Variants in FECH observed in about 807,000 individuals in gnomAD.
FECH encodes the protein ferrochelatase, also known as ferrochelatase, mitochondrial.
In FECH, 40 loss-of-function variants were observed where a neutral mutation model predicts 56.9. The ratio of observed to expected loss-of-function variants is 0.70; its 90% confidence interval spans 0.55 to 0.92. The LOEUF is 0.92. Ranked by LOEUF, FECH falls within the 40% of genes least tolerant of loss-of-function variation. The pLI is 0.00. For missense variants in FECH, 431 were observed against 529.1 expected (o/e 0.81, Z 1.82); for synonymous variants, 175 against 198.6 (o/e 0.88, Z 1.00).
chr18:57,557,070 C>A (rs976599512), intron 7 of FECH, among the ~76,000 whole-genome samples: 6 of 152,082 alleles, frequency 3.9e-5, no homozygotes, highest in South Asian at 2.1e-4. Context: ...TTTGGAAACA[C>A]AAGTGGCATC....
At chr18:57,574,129 C>G (rs948993817) in intron 2 of FECH, among the ~76,000 whole-genome samples, 2 of 152,188 alleles carry the variant, frequency 1.3e-5, no homozygotes, top group African/African-American at 4.8e-5. Flanking sequence ...CTCGGCCTCC[C>G]AAGTAGCTGG....
At chr18:57,566,680 C>T in intron 4 of FECH, 99 bp from the exon 5 acceptor site, 1 of 1,449,036 alleles carries the variant, frequency 6.9e-7, no homozygotes, top group Non-Finnish European at 9.6e-7. Flanking sequence ...AAGAACAGTT[C>T]ATGTAATTTC....
chr18:57,554,442 G>A lies in FECH; in HGVS notation c.913-18C>T, dbSNP rs767704443. The A allele has an allele frequency of 1.1e-5, 17 of 1,613,912 alleles. No homozygotes were observed. Among genetic ancestry groups the A allele is most frequent in the East Asian group, 4.5e-5 (2 of 44,882 alleles). ...GGACCAACCTATGCGAAAGATAGAC[G>A]AATGCGTAAGTGGACTATGCCTCCT... On this transcript the variant is annotated intron_variant, in intron 8 of 10. Transcript: ENST00000262093.
At chr18:57,573,759 T>C (rs2051147876) in intron 2 of FECH, among the ~76,000 whole-genome samples, 1 of 152,196 alleles carries the variant, frequency 6.6e-6, no homozygotes, top group African/African-American at 2.4e-5. Context: ...CTCTCCCAAC[T>C]TCAAGTTTCC....
rs187662303 is a variant in FECH, at chr18:57,547,562, G to C, written c.*3150C>G. The stretch of plus-strand genomic sequence containing the variant: ...CTGCCATGATTGTCAATTTCCTAAG[G>C]CTTCCTCAGAAAGCCGAACCGAGTC... On this transcript the variant is annotated 3_prime_UTR_variant, in exon 11 of 11. Transcript: ENST00000262093. 2.0e-5 allele frequency among the ~76,000 whole-genome samples: 3 copies of C among 152,212 alleles called. No homozygotes were observed. Among genetic ancestry groups the C allele is most frequent in the East Asian group, 1.9e-4 (1 of 5,184 alleles).
At position 57,544,745 on chromosome 18, in the gene FECH, A is replaced by G. The variant is rs2050698369; in HGVS notation, c.*5967T>C. 6.6e-6 allele frequency among the ~76,000 whole-genome samples: 1 copy of G among 152,268 alleles called. No homozygotes were observed. Among genetic ancestry groups the G allele is most frequent in the South Asian group, 2.1e-4 (1 of 4,832 alleles). ...AAAATCACAGTGTAATGGCTACAGA[A>G]ACAACTTATGTACTGTGTTATTAAC... On this transcript the variant is annotated 3_prime_UTR_variant, in exon 11 of 11. Coordinates refer to ENST00000262093, the MANE Select transcript of FECH (RefSeq NM_000140.5).
chr18:57,554,359 C>T lies in FECH; in HGVS notation c.978G>A (p.Gly326=), dbSNP rs1192896758. Reference sequence around the variant, plus strand: ...TCGGAACCAAGAGGATATTCTTCCTCCCCCTCTCACAAAGCCCTTTGATAG... The same window carrying T: ...TCGGAACCAAGAGGATATTCTTCCTTCCCCTCTCACAAAGCCCTTTGATAG... ...DESIKGLCER[G]RKNILLVPIA... The change falls in exon 9 of 11, where the codon GGG becomes GGA. Residue 326 remains glycine, a synonymous_variant. Transcript: ENST00000262093. 2.5e-6 allele frequency: 4 copies of T among 1,614,068 alleles called. No homozygotes were observed. Among genetic ancestry groups the T allele is most frequent in the Non-Finnish European group, 3.4e-6 (4 of 1,180,038 alleles).
chr18:57,566,376 A>G lies in FECH; in HGVS notation c.598+71T>C, dbSNP rs138661306. 31 of 1,603,118 alleles carry G rather than the reference A, an allele frequency of 1.9e-5. No homozygotes were observed. The East Asian group carries it at 6.7e-4, about 35-fold the overall frequency. ...TTGCAAATAATTCATCCTTCCCTTC[A>G]GTACTTAGACTCCTTGGTTATTTTT... On this transcript the variant is annotated intron_variant, in intron 5 of 10. Coordinates refer to ENST00000262093, the MANE Select transcript of FECH (RefSeq NM_000140.5).
intron 4 of FECH, among the ~76,000 whole-genome samples, 188 bp from the exon 5 acceptor site, chr18:57,566,769 A>G (rs1019886682): frequency 2.0e-5 from 3 of 152,154 alleles, no homozygotes; most frequent in African/African-American, 7.2e-5. Flanking sequence ...TGAACTTTTA[A>G]TGATGACTTT....
At chr18:57,564,386 A>G (rs1180321346) in intron 5 of FECH, among the ~76,000 whole-genome samples, 3 of 152,194 alleles carry the variant, frequency 2.0e-5, no homozygotes, top group Admixed American at 1.3e-4. Flanking sequence ...TTTCCTGTCT[A>G]GGGGAGTTAG....
rs752462830 is a variant in FECH, at chr18:57,547,788, ACAC to A, written c.*2921_*2923del. Among the ~76,000 whole-genome samples the A allele has an allele frequency of 1.3e-5, 2 of 152,140 alleles. No individual in the cohort carries two copies. The highest frequency in any genetic ancestry group is 6.8e-3 in the Middle Eastern group (2 of 294). Reference sequence around the variant, plus strand: ...GCTGGAACTACAGGCATGTGACACTACACCCAGTTAATTTTTACTTTATTTTTT... The same window carrying A: ...GCTGGAACTACAGGCATGTGACACTACCAGTTAATTTTTACTTTATTTTTT... On this transcript the variant is annotated 3_prime_UTR_variant, in exon 11 of 11. Transcript: ENST00000262093.
intron 2 of FECH, among the ~76,000 whole-genome samples, chr18:57,575,465 C>T (rs1568152536): frequency 1.3e-5 from 2 of 151,762 alleles, no homozygotes; most frequent in African/African-American, 4.8e-5. Context: ...TTTTTTGAGA[C>T]AGGGTCTCAC....
intron 3 of FECH, among the ~76,000 whole-genome samples, chr18:57,572,162 G>A (rs1599004517): frequency 6.6e-6 from 1 of 152,114 alleles, no homozygotes; most frequent in East Asian, 1.9e-4. Context: ...CAACAGCAAA[G>A]ACTTGGAACC....
chr18:57,556,109 A>G (rs1450046009), intron 7 of FECH, among the ~76,000 whole-genome samples: 1 of 152,242 alleles, frequency 6.6e-6, no homozygotes, highest in Non-Finnish European at 1.5e-5. Context: ...AGCCTGGGTG[A>G]CAGAGCAAGA....
In FECH at chr18:57,574,583, T is replaced by C. The variant is rs572841546; in HGVS notation, c.195-1218A>G. On this transcript the variant is annotated intron_variant, in intron 2 of 10. Coordinates refer to ENST00000262093, the MANE Select transcript of FECH (RefSeq NM_000140.5). ...GCTATGCAAAAATGTAAACCTAAAA[T>C]CCAGATCAAGCTCCGGAGTCAACAC... Among the ~76,000 whole-genome samples the C allele has an allele frequency of 4.6e-5, 7 of 152,294 alleles. No homozygotes were observed. In the East Asian group the frequency reaches 1.2e-3, roughly 25 times the overall value.
Position 57,563,426 on chromosome 18 carries a change from T to C in FECH, c.599-446A>G, listed in dbSNP as rs146313984. 4.7e-3 allele frequency among the ~76,000 whole-genome samples: 714 copies of C among 151,628 alleles called. 6 individuals carry two copies. The highest frequency in any genetic ancestry group is 0.016 in the African/African-American group (677 of 41,356). ...GAGAAACCCTATCTCTACTAAAAAA[T>C]ACAAAATTAGCCAGGCATGGTGGTG... On this transcript the variant is annotated intron_variant, in intron 5 of 10. Coordinates refer to ENST00000262093, the MANE Select transcript of FECH (RefSeq NM_000140.5).
intron 2 of FECH, among the ~76,000 whole-genome samples, chr18:57,577,854 A>G (rs1269730827): frequency 1.3e-5 from 2 of 152,142 alleles, no homozygotes; most frequent in Admixed American, 6.5e-5. Context: ...CAAGAGTTCA[A>G]GACAAGCCTG....
At chr18:57,580,677 T>C (rs1459161677) in intron 1 of FECH, among the ~76,000 whole-genome samples, 1 of 152,166 alleles carries the variant, frequency 6.6e-6, no homozygotes, top group Non-Finnish European at 1.5e-5. Context: ...AACCCAGTAC[T>C]GCCCTTGAAC....
Position 57,580,148 on chromosome 18 carries a change from G to A in FECH, c.119C>T (p.Ala40Val), listed in dbSNP as rs370426627. 8 of 1,614,192 alleles carry A rather than the reference G, an allele frequency of 5.0e-6. No homozygotes were observed. The highest frequency in any genetic ancestry group is 6.8e-6 in the Non-Finnish European group (8 of 1,180,024). ...TTCTGTGGTGACGGCCGCTGCAGCT[G>A]CACCTGACTTCCACCTCCATGGCTG... is the stretch of plus-strand genomic sequence containing the variant. Reference protein sequence around the residue: ...VCQPWRWKSGAAAAAVTTETA... With the variant: ...VCQPWRWKSGVAAAAVTTETA... Residue 40 changes from alanine (A) to valine (V), a missense_variant, in exon 2 of 11, where the codon GCA becomes GTA. Coordinates refer to ENST00000262093, the MANE Select transcript of FECH (RefSeq NM_000140.5).
Sources: allele counts gnomAD v4.1 joint callset (sites outside exome capture counted in the v4.1 genomes callset), GRCh38; gene constraint gnomAD v4.1.1; transcripts MANE v1.5; gene names NCBI Gene and HGNC (gene_info 2026-07-23, HGNC 2026-07-21).